Variants in CHUK observed in about 807,000 individuals in gnomAD.
The protein encoded by CHUK is component of inhibitor of nuclear factor kappa B kinase complex.
CHUK carries 35 observed loss-of-function variants against 104.8 expected under a neutral mutation model. That is an observed-to-expected ratio of 0.33 (90% confidence interval 0.26 to 0.44). CHUK has a LOEUF of 0.44. Ranked by LOEUF, CHUK falls within the 20% of genes least tolerant of loss-of-function variation. CHUK has a pLI of 1.00. For missense variants in CHUK, 663 were observed against 902.7 expected (o/e 0.73, Z 3.40); for synonymous variants, 276 against 291.9 (o/e 0.95, Z 0.56).
chr10:100,218,489 TC>T (rs1297811069), intron 8 of CHUK, among the ~76,000 whole-genome samples: 1 of 152,246 alleles, frequency 6.6e-6, no homozygotes, highest in Non-Finnish European at 1.5e-5. Flanking sequence ...TAGCCACTAG[TC>T]CCAAGTGGCT....
chr10:100,196,597 C>G (rs927495672), intron 16 of CHUK, among the ~76,000 whole-genome samples: 3 of 152,012 alleles, frequency 2.0e-5, no homozygotes, highest in Admixed American at 2.0e-4. Flanking sequence ...GACAGGGTCT[C>G]ACTATGTTGC....
intron 17 of CHUK, 48 bp from the exon 18 acceptor site, chr10:100,194,179 G>GTACA (rs747822823): frequency 6.2e-7 from 1 of 1,600,462 alleles, no homozygotes; most frequent in Non-Finnish European, 8.5e-7. Flanking sequence ...CCCCAAGACT[G>GTACA]TACACCATAT....
chr10:100,209,532 T>C, intron 10 of CHUK, 63 bp downstream of exon 10: 2 of 1,032,894 alleles, frequency 1.9e-6, no homozygotes, highest in Non-Finnish European at 3.0e-6. Context: ...GCATAAAAAT[T>C]GCAGGGCACG....
intron 19 of CHUK, among the ~76,000 whole-genome samples, chr10:100,191,884 C>T (rs966334005): frequency 2.6e-5 from 4 of 152,076 alleles, no homozygotes; most frequent in Non-Finnish European, 5.9e-5. Flanking sequence ...TTTTGGAGGC[C>T]GAGGCAGGTG....
intron 19 of CHUK, 137 bp downstream of exon 19, chr10:100,193,160 TG>T: frequency 1.1e-6 from 1 of 925,792 alleles, no homozygotes; most frequent in East Asian, 2.4e-5. Context: ...TCAAGTAAGT[TG>T]CCTAAGATTA....
chr10:100,224,320 C>T (rs1390580238), intron 2 of CHUK, among the ~76,000 whole-genome samples: 1 of 152,218 alleles, frequency 6.6e-6, no homozygotes, highest in East Asian at 1.9e-4. Context: ...CCTGAGATGT[C>T]TCAGGAAAGA....
At position 100,209,738 on chromosome 10, in the gene CHUK, G is replaced by C. The variant is rs757103558; in HGVS notation, c.985C>G (p.Pro329Ala). The C allele has an allele frequency of 6.4e-7, 1 of 1,554,234 alleles. No individual in the cohort carries two copies. The highest frequency in any genetic ancestry group is 8.9e-7 in the Non-Finnish European group (1 of 1,125,740). ...AGTGAATGAAGACTTTCATCAGGTGGTAACAGAAAAGAAATTATCTTTGCA... is the reference window on the plus strand; with the variant it reads ...AGTGAATGAAGACTTTCATCAGGTGCTAACAGAAAAGAAATTATCTTTGCA... Reference protein sequence around the residue: ...TSAKIISFLLPPDESLHSLQS... With the variant: ...TSAKIISFLLAPDESLHSLQS... Residue 329 changes from proline (P) to alanine (A), a missense_variant, in exon 10 of 21, where the codon CCA becomes GCA. Coordinates refer to ENST00000370397, the MANE Select transcript of CHUK (RefSeq NM_001278.5).
At chr10:100,193,069 T>C (rs544875014) in intron 19 of CHUK, 77 of 560,980 alleles carry the variant, frequency 1.4e-4, no homozygotes, top group African/African-American at 1.9e-4. Flanking sequence ...GCACTTTATA[T>C]ACATTGTCTA....
In CHUK at chr10:100,201,046, A is replaced by G. The variant is rs1053453614; in HGVS notation, c.1570-266T>C. 3.5e-4 allele frequency among the ~76,000 whole-genome samples: 53 copies of G among 152,216 alleles called. 1 individual carries two copies. The highest frequency in any genetic ancestry group is 1.2e-4 in the Non-Finnish European group (8 of 68,034). On this transcript the variant is annotated intron_variant, in intron 14 of 20. Coordinates refer to ENST00000370397, the MANE Select transcript of CHUK (RefSeq NM_001278.5). ...TAGTATTTGCTTTTACCTCCGGAGA[A>G]GCAAAAAGCTACAACAGGTATCAAC...
rs974118914 is a variant in CHUK, at chr10:100,209,798, A to G, written c.934-9T>C. On this transcript the variant is annotated splice_polypyrimidine_tract_variant and intron_variant, in intron 9 of 20. Coordinates refer to ENST00000370397, the MANE Select transcript of CHUK (RefSeq NM_001278.5). ...TTTAGGATGTGTACTATCTGTATAA[A>G]TAAGAAAAAAAGGTAAAGTTATTGA... 8.2e-7 allele frequency: 1 copy of G among 1,219,036 alleles called. No homozygotes were observed. The highest frequency in any genetic ancestry group is 1.2e-5 in the South Asian group (1 of 81,208). 75.5% of individuals were successfully genotyped at this position (1,219,036 alleles called of 1,614,324 possible). A position where few individuals can be genotyped will look rare whatever the true frequency, so the allele number is the denominator to read the frequency against.
chr10:100,209,805 A>C lies in CHUK; in HGVS notation c.934-16T>G, dbSNP rs1294849799. On this transcript the variant is annotated splice_polypyrimidine_tract_variant and intron_variant, in intron 9 of 20. Transcript: ENST00000370397. ...TGTGTACTATCTGTATAAATAAGAA[A>C]AAAAGGTAAAGTTATTGATTATTTG... 1.1e-5 allele frequency: 13 copies of C among 1,139,762 alleles called. No individual in the cohort carries two copies. Among genetic ancestry groups the C allele is most frequent in the Non-Finnish European group, 1.7e-5 (13 of 755,362 alleles). The allele number at this position is 1,139,762 out of a possible 1,614,324, so 70.6% of individuals were successfully genotyped here.
At chr10:100,189,749 AT>A in intron 20 of CHUK, 122 bp from the exon 21 acceptor site, 1 of 668,302 alleles carries the variant, frequency 1.5e-6, no homozygotes. Context: ...AAATCATTTC[AT>A]TTACCTTATT....
intron 1 of CHUK, among the ~76,000 whole-genome samples, chr10:100,227,491 G>A (rs901360724): frequency 6.6e-6 from 1 of 151,484 alleles, no homozygotes; most frequent in Admixed American, 6.6e-5. Flanking sequence ...ATGACCAGGC[G>A]GATAGGCAGG....
Position 100,209,606 on chromosome 10 carries a change from G to T in CHUK, c.1117C>A (p.Leu373Ile). The T allele has an allele frequency of 6.3e-7, 1 of 1,596,366 alleles. No individual in the cohort carries two copies. The highest frequency in any genetic ancestry group is 1.1e-5 in the South Asian group (1 of 90,738). The change falls in exon 10 of 21, where the codon CTA (leucine) becomes ATA (isoleucine). Residue 373 changes from leucine (L) to isoleucine (I), a missense_variant. Around this residue, in one of 5 missense-constraint regions of CHUK, gnomAD observed 93 missense variants for 95.9 expected, o/e 0.97. Transcript: ENST00000370397. ...DPRKPASQCV[L>I]DGVRGCDSYM... Reference sequence around the variant, plus strand: ...ATTAATTTTCTTACAACTCCATCTAGAACACATTGAGAGGCTGGTTTCCGA... The same window carrying T: ...ATTAATTTTCTTACAACTCCATCTATAACACATTGAGAGGCTGGTTTCCGA...
intron 9 of CHUK, among the ~76,000 whole-genome samples, chr10:100,214,153 C>T (rs1331959220): frequency 6.6e-6 from 1 of 152,142 alleles, no homozygotes; most frequent in Admixed American, 6.5e-5. Context: ...TGGCATCTCA[C>T]TACCAAAGCT....
chr10:100,200,926 C>T (rs1307122216), intron 14 of CHUK, 146 bp from the exon 15 acceptor site: 2 of 677,224 alleles, frequency 3.0e-6, no homozygotes, highest in Non-Finnish European at 5.4e-6. Flanking sequence ...TTGTTAAAGC[C>T]TTTCTATTCT....
At chr10:100,209,492 A>G in intron 10 of CHUK, 103 bp downstream of exon 10, 2 of 739,726 alleles carry the variant, frequency 2.7e-6, no homozygotes, top group Non-Finnish European at 4.8e-6. Flanking sequence ...CCAAAACAAA[A>G]TGTGCGGCCT....
intron 9 of CHUK, among the ~76,000 whole-genome samples, chr10:100,214,034 T>C (rs1363956471): frequency 6.6e-6 from 1 of 152,192 alleles, no homozygotes; most frequent in Non-Finnish European, 1.5e-5. Context: ...AGACTTTCCA[T>C]GCCTTCCCAA....
At chr10:100,199,663 A>G (rs1845417410) in intron 16 of CHUK, among the ~76,000 whole-genome samples, 1 of 151,914 alleles carries the variant, frequency 6.6e-6, no homozygotes, top group African/African-American at 2.4e-5. Flanking sequence ...TATTTTTTCC[A>G]TCTTTCTAAA....
Sources: allele counts gnomAD v4.1 joint callset (sites outside exome capture counted in the v4.1 genomes callset), GRCh38; gene constraint gnomAD v4.1.1; regional missense constraint gnomAD v4.1.1; transcripts MANE v1.5; gene names NCBI Gene and HGNC (gene_info 2026-07-23, HGNC 2026-07-21).